ADK: variants seen among roughly 807,000 people sequenced by gnomAD.
ADK encodes N6,N6-dimethyladenosine kinase.
In ADK, 24 loss-of-function variants were observed where a neutral mutation model predicts 44.7. The ratio of observed to expected loss-of-function variants is 0.54; its 90% CI spans 0.39 to 0.76. ADK has a LOEUF of 0.76. Among genes scored for constraint, ADK ranks in the 30% least tolerant of loss-of-function variants. The probability of loss-of-function intolerance (pLI) is 0.00; values close to 1 mark genes in which losing one functional copy is unlikely to be tolerated. For synonymous variants in ADK, 128 were observed against 142.6 expected, an observed-to-expected ratio of 0.90 and a Z score of 0.73; for missense variants, 321 against 425.1, an observed-to-expected ratio of 0.76 and a Z score of 2.15.
rs181357478 is a variant in ADK at position 74,170,756 on chromosome 10, C to T, written c.65+19413C>T. On this transcript the variant is annotated intron_variant, in intron 1 of 10. Coordinates refer to ENST00000539909, the MANE Select transcript of ADK (RefSeq NM_006721.4). Reference sequence around the variant, plus strand: ...CTGAGCCTGCAGTGAGCCGAGATCGCGCCACTGCACTCCAGCCTGGGCGAC... The same window carrying T: ...CTGAGCCTGCAGTGAGCCGAGATCGTGCCACTGCACTCCAGCCTGGGCGAC... Among the ~76,000 whole-genome samples, 21 of 147,650 alleles carry T rather than the reference C, an allele frequency of 1.4e-4. No homozygotes were observed. In the South Asian group the frequency reaches 1.5e-3, roughly 10 times the overall value.
At chr10:74,238,527 A>T (rs1211644627) in intron 3 of ADK, among the ~76,000 whole-genome samples, 1 of 152,234 alleles carries the variant, frequency 6.6e-6, no homozygotes, top group Non-Finnish European at 1.5e-5. Flanking sequence ...CACTAAAAAA[A>T]TTTAAAAATT....
At chr10:74,629,415 A>G (rs1215725053) in intron 9 of ADK, among the ~76,000 whole-genome samples, 1 of 152,216 alleles carries the variant, frequency 6.6e-6, no homozygotes, top group African/African-American at 2.4e-5. Context: ...CAAGAAAGAT[A>G]TGAGCAGAGC....
At chr10:74,418,304 A>T (rs967721049) in intron 6 of ADK, among the ~76,000 whole-genome samples, 1 of 152,164 alleles carries the variant, frequency 6.6e-6, no homozygotes, top group Non-Finnish European at 1.5e-5. Context: ...GATTGTCGAT[A>T]AACTTCCCAG....
intron 6 of ADK, among the ~76,000 whole-genome samples, chr10:74,516,435 T>C (rs1295444033): frequency 6.6e-6 from 1 of 152,138 alleles, no homozygotes; most frequent in Non-Finnish European, 1.5e-5. Context: ...GCCTTGATCC[T>C]TTTTTTGTGT....
At chr10:74,180,914 A>T (rs1442799848) in intron 1 of ADK, among the ~76,000 whole-genome samples, 1 of 152,250 alleles carries the variant, frequency 6.6e-6, no homozygotes, top group Admixed American at 6.5e-5. Context: ...AGATACTAAT[A>T]TGCATCCTAC....
intron 3 of ADK, among the ~76,000 whole-genome samples, chr10:74,284,109 C>G (rs554529317): frequency 1.3e-5 from 2 of 152,104 alleles, no homozygotes; most frequent in South Asian, 4.1e-4. Flanking sequence ...CAGGCGTGTG[C>G]CACCATGCCC....
chr10:74,287,331 G>A (rs1405217808), intron 3 of ADK, among the ~76,000 whole-genome samples: 2 of 152,076 alleles, frequency 1.3e-5, no homozygotes, highest in Non-Finnish European at 2.9e-5. Context: ...GGGCGTGGTG[G>A]TGCACGCCTG....
At position 74,695,619 on chromosome 10, in the gene ADK, G is replaced by GGGGGTGTGT. The variant is rs1480624866; in HGVS notation, c.965-12701_965-12700insGGGTGTGTG. 3.3e-5 allele frequency among the ~76,000 whole-genome samples: 3 copies of GGGGGTGTGT among 90,118 alleles called. No individual in the cohort carries two copies. In the South Asian group the frequency reaches 9.5e-4, roughly 28 times the overall value. 59.1% of individuals were successfully genotyped at this position (90,118 alleles called of 152,430 possible). On this transcript the variant is annotated intron_variant, in intron 10 of 10. Transcript: ENST00000539909. ...TTTTACAATTCCTGTGTATGTGTGG[G>GGGGGTGTGT]GTGTGTGTGTGTGTGTGTGTGTGTG...
rs1841191553 is a variant in ADK at position 74,330,807 on chromosome 10, G to T, written c.273+16062G>T. 2.0e-5 allele frequency among the ~76,000 whole-genome samples: 3 copies of T among 152,052 alleles called. No homozygotes were observed. In the South Asian group the frequency reaches 6.2e-4, roughly 32 times the overall value. ...TACTGGAGCCCTGCCTTACTTAACC[G>T]ACTACAACCTGATGAGACACCCCAA... is the stretch of plus-strand genomic sequence containing the variant. On this transcript the variant is annotated intron_variant, in intron 4 of 10. Transcript: ENST00000539909.
At chr10:74,612,630 AGTT>A (rs964677772) in intron 9 of ADK, among the ~76,000 whole-genome samples, 1 of 152,074 alleles carries the variant, frequency 6.6e-6, no homozygotes, top group African/African-American at 2.4e-5. Flanking sequence ...GAAACTCTTT[AGTT>A]AAGTTACAAT....
intron 1 of ADK, among the ~76,000 whole-genome samples, chr10:74,163,906 A>T (rs1161213789): frequency 6.6e-6 from 1 of 152,240 alleles, no homozygotes; most frequent in Admixed American, 6.5e-5. Context: ...AGAATTTTTT[A>T]AAATAGTTTT....
chr10:74,310,404 T>C (rs560652459), intron 3 of ADK, among the ~76,000 whole-genome samples: 1 of 152,190 alleles, frequency 6.6e-6, no homozygotes, highest in Non-Finnish European at 1.5e-5. Context: ...TTCCTTCTTA[T>C]GAGTTTTCTT....
chr10:74,339,892 G>GA (rs146632359), intron 4 of ADK, among the ~76,000 whole-genome samples: 1 of 152,020 alleles, frequency 6.6e-6, no homozygotes, highest in Non-Finnish European at 1.5e-5. Context: ...TTCTTTTCCT[G>GA]AAAAAATGAT....
At chr10:74,502,305 A>T (rs906468509) in intron 6 of ADK, among the ~76,000 whole-genome samples, 1 of 152,126 alleles carries the variant, frequency 6.6e-6, no homozygotes, top group Non-Finnish European at 1.5e-5. Context: ...ACATAAAAGT[A>T]AATACAAAAA....
intron 4 of ADK, among the ~76,000 whole-genome samples, chr10:74,333,154 A>G (rs1244088132): frequency 1.3e-5 from 2 of 152,330 alleles, no homozygotes; most frequent in African/African-American, 2.4e-5. Context: ...TTTTTCAGCT[A>G]TTTTAAAAGA....
At chr10:74,213,317 G>A (rs920597707) in intron 2 of ADK, among the ~76,000 whole-genome samples, 3 of 152,108 alleles carry the variant, frequency 2.0e-5, no homozygotes, top group Non-Finnish European at 4.4e-5. Flanking sequence ...TCACTATGTT[G>A]CCCAGGCTGG....
intron 1 of ADK, among the ~76,000 whole-genome samples, chr10:74,197,710 AG>A (rs1843212633): frequency 2.4e-4 from 19 of 80,688 alleles, no homozygotes; most frequent in African/African-American, 3.6e-4. Context: ...AAAAAAAAAA[AG>A]AAAAAAAAAA....
At chr10:74,164,681 A>G (rs928372012) in intron 1 of ADK, among the ~76,000 whole-genome samples, 1 of 152,108 alleles carries the variant, frequency 6.6e-6, no homozygotes, top group African/African-American at 2.4e-5. Flanking sequence ...TTCTAGACTT[A>G]TACTCGTAGA....
At chr10:74,197,679 CAGAG>C (rs111448286) in intron 1 of ADK, among the ~76,000 whole-genome samples, 4,604 of 134,182 alleles carry the variant, frequency 0.034, 265 homozygotes, top group African/African-American at 0.12. Flanking sequence ...GCCTGGGTGA[CAGAG>C]AGAGACTCCG....
Sources: allele counts gnomAD v4.1 joint callset (sites outside exome capture counted in the v4.1 genomes callset), GRCh38; gene constraint gnomAD v4.1.1; transcripts MANE v1.5; gene names NCBI Gene and HGNC (gene_info 2026-07-23, HGNC 2026-07-21).